The following PTPRD variants were observed in gnomAD, a reference collection of about 807,000 sequenced individuals.
The protein encoded by PTPRD is receptor-type tyrosine-protein phosphatase delta.
In PTPRD, 34 loss-of-function variants were observed where a neutral mutation model predicts 214.5. That is an observed-to-expected ratio of 0.16 (90% CI 0.12 to 0.21). The LOEUF (loss-of-function observed/expected upper bound fraction) is 0.21, where lower values mean the gene tolerates loss of function less well. Among genes scored for constraint, PTPRD ranks in the 10% least tolerant of loss-of-function variants. The pLI, the probability that PTPRD is intolerant of heterozygous loss-of-function variation, is 1.00. For missense variants in PTPRD, 2,545 were observed against 2,398.7 expected, an observed-to-expected ratio of 1.06 and a Z score of -1.27; for synonymous variants, 1,128 against 845.7, an observed-to-expected ratio of 1.33 and a Z score of -5.79.
intron 9 of PTPRD, among the ~76,000 whole-genome samples, chr9:9,377,727 C>T (rs2061163455): frequency 6.6e-6 from 1 of 151,954 alleles, no homozygotes; most frequent in Non-Finnish European, 1.5e-5. Context: ...AATGTTGGCA[C>T]AGATGAAACA....
intron 9 of PTPRD, among the ~76,000 whole-genome samples, chr9:9,272,788 A>T: frequency 6.6e-6 from 1 of 151,262 alleles, no homozygotes; most frequent in East Asian, 2.0e-4. Flanking sequence ...CCAGGTGTTC[A>T]AAAGCAAGCA....
chr9:9,551,851 C>T (rs1189217717), intron 8 of PTPRD, among the ~76,000 whole-genome samples: 1 of 151,802 alleles, frequency 6.6e-6, no homozygotes, highest in Non-Finnish European at 1.5e-5. Flanking sequence ...GTAAGTTGCT[C>T]CCCAAAAGGA....
intron 14 of PTPRD, among the ~76,000 whole-genome samples, chr9:8,631,090 T>G (rs561731261): frequency 6.6e-6 from 1 of 151,970 alleles, no homozygotes; most frequent in South Asian, 2.1e-4. Flanking sequence ...GCTTCAAATA[T>G]GAACACCTGA....
chr9:8,691,571 T>C (rs1057489625), intron 12 of PTPRD, among the ~76,000 whole-genome samples: 1 of 152,192 alleles, frequency 6.6e-6, no homozygotes, highest in Non-Finnish European at 1.5e-5. Flanking sequence ...AAACCTTCAT[T>C]ACATAAGAAT....
At chr9:8,428,003 T>C (rs1386508927) in intron 35 of PTPRD, among the ~76,000 whole-genome samples, 4 of 152,152 alleles carry the variant, frequency 2.6e-5, no homozygotes, top group South Asian at 2.1e-4. Flanking sequence ...TTTTTAATGA[T>C]TGTATGAAGT....
chr9:8,517,804 C>A (rs765039566), intron 21 of PTPRD, 44 bp downstream of exon 21: 1 of 1,527,522 alleles, frequency 6.5e-7, no homozygotes, highest in Non-Finnish European at 8.9e-7. Context: ...CTCTTTGCAC[C>A]AGCCCTTCCC....
intron 44 of PTPRD, among the ~76,000 whole-genome samples, chr9:8,321,479 G>GTATATA (rs1265617885): frequency 3.3e-4 from 19 of 58,120 alleles, no homozygotes; most frequent in African/African-American, 1.2e-3. Flanking sequence ...GTGTGTGTGT[G>GTATATA]TGTGTGTGTA....
intron 5 of PTPRD, among the ~76,000 whole-genome samples, chr9:9,884,738 T>C (rs1394149582): frequency 1.3e-5 from 2 of 152,102 alleles, no homozygotes; most frequent in Non-Finnish European, 2.9e-5. Context: ...GTTTTCATGA[T>C]AGTGAGTAAG....
chr9:10,190,966 A>C (rs556507481), intron 3 of PTPRD, among the ~76,000 whole-genome samples: 2 of 152,238 alleles, frequency 1.3e-5, no homozygotes, highest in South Asian at 4.1e-4. Flanking sequence ...AAATAGTATG[A>C]TATCCCTTTA....
In PTPRD at chr9:9,601,151, A is replaced by C. The variant is rs74803198; in HGVS notation, c.-286-26370T>G. On this transcript the variant is annotated intron_variant, in intron 7 of 45. Transcript: ENST00000381196. ...TGTGTGTGTGTGTGTGTGTGTGTGT[A>C]TGGGGGGGGGAGAGTGGGGAGAGAG... 1.0e-4 allele frequency among the ~76,000 whole-genome samples: 7 copies of C among 68,456 alleles called. No individual in the cohort carries two copies. In the South Asian group the frequency reaches 1.6e-3, roughly 16 times the overall value. 44.9% of individuals were successfully genotyped at this position (68,456 alleles called of 152,430 possible). A position where few individuals can be genotyped will look rare whatever the true frequency, so the allele number is the denominator to read the frequency against.
intron 2 of PTPRD, among the ~76,000 whole-genome samples, chr9:10,576,687 A>G (rs2069480665): frequency 6.6e-6 from 1 of 152,186 alleles, no homozygotes; most frequent in Admixed American, 6.5e-5. Flanking sequence ...AAATAGAACC[A>G]GTGTCACAGT....
intron 14 of PTPRD, among the ~76,000 whole-genome samples, chr9:8,562,500 A>C (rs748045743): frequency 3.9e-5 from 6 of 151,966 alleles, no homozygotes; most frequent in Non-Finnish European, 8.8e-5. Flanking sequence ...GCAGTGGTGC[A>C]ATCTCAGCTC....
chr9:9,369,089 A>T (rs1289416462), intron 9 of PTPRD, among the ~76,000 whole-genome samples: 1 of 151,852 alleles, frequency 6.6e-6, no homozygotes, highest in Non-Finnish European at 1.5e-5. Context: ...AAGGACATGA[A>T]CTCATCCTTT....
In PTPRD at chr9:8,636,687, T is replaced by C; in HGVS notation, c.210+12A>G. The C allele has an allele frequency of 1.2e-6, 2 of 1,613,380 alleles. No homozygotes were observed. The highest frequency in any genetic ancestry group is 1.7e-6 in the Non-Finnish European group (2 of 1,179,388). ...TTCTTCCCCCAGAGAAACAGAACAA[T>C]GGACCTAATACCTCAAATCTCTGAT... On this transcript the variant is annotated intron_variant, in intron 13 of 45. Coordinates refer to ENST00000381196, the MANE Select transcript of PTPRD (RefSeq NM_002839.4).
intron 3 of PTPRD, among the ~76,000 whole-genome samples, chr9:10,250,989 G>T (rs886570685): frequency 2.0e-4 from 30 of 151,934 alleles, no homozygotes; most frequent in Non-Finnish European, 2.9e-5. Flanking sequence ...TCATTTGTCA[G>T]AAATGTAATT....
At chr9:9,408,187 T>C (rs2074193160) in intron 8 of PTPRD, among the ~76,000 whole-genome samples, 1 of 151,844 alleles carries the variant, frequency 6.6e-6, no homozygotes, top group Admixed American at 6.6e-5. Context: ...TTTGTTTTTG[T>C]TTTTCATTGT....
chr9:9,962,577 C>T (rs978700602), intron 4 of PTPRD, among the ~76,000 whole-genome samples: 1 of 152,020 alleles, frequency 6.6e-6, no homozygotes, highest in Non-Finnish European at 1.5e-5. Context: ...CTCCGTTGCC[C>T]TTTTTTTCTA....
Position 10,493,450 on chromosome 9 carries a change from C to T in PTPRD, c.-600+118948G>A, listed in dbSNP as rs113920213. Reference sequence around the variant, plus strand: ...AGGCCTCAGAAATAATGCCACACATCTACAACTATGTGACCTTTGACAAAC... The same window carrying T: ...AGGCCTCAGAAATAATGCCACACATTTACAACTATGTGACCTTTGACAAAC... On this transcript the variant is annotated intron_variant, in intron 2 of 45. Transcript: ENST00000381196. 5.8e-3 allele frequency among the ~76,000 whole-genome samples: 875 copies of T among 152,160 alleles called. 5 individuals carry two copies. Among genetic ancestry groups the T allele is most frequent in the African/African-American group, 0.02 (844 of 41,522 alleles).
chr9:8,424,288 A>G (rs187713872), intron 35 of PTPRD, among the ~76,000 whole-genome samples: 83 of 152,204 alleles, frequency 5.5e-4, no homozygotes, highest in African/African-American at 1.8e-3. Flanking sequence ...AAGGAAATCA[A>G]CTCTCAGAGG....
Sources: allele counts gnomAD v4.1 joint callset (sites outside exome capture counted in the v4.1 genomes callset), GRCh38; gene constraint gnomAD v4.1.1; transcripts MANE v1.5; gene names NCBI Gene and HGNC (gene_info 2026-07-23, HGNC 2026-07-21).